Variants in PTPRN observed in about 807,000 individuals in gnomAD.
PTPRN encodes receptor-type tyrosine-protein phosphatase-like N.
A neutral mutation model predicts 108.5 loss-of-function variants in PTPRN; 70 were observed. The observed-to-expected ratio is 0.65, with a 90% CI of 0.53 to 0.79. The LOEUF (loss-of-function observed/expected upper bound fraction) is 0.79. Ranked by LOEUF, PTPRN falls within the 30% of genes least tolerant of loss-of-function variation. The pLI, the probability that PTPRN is intolerant of heterozygous loss-of-function variation, is 0.00. For synonymous variants in PTPRN, 496 were observed against 524.6 expected, an observed-to-expected ratio of 0.95 and a Z score of 0.75; for missense variants, 1,136 against 1,295.5, an observed-to-expected ratio of 0.88 and a Z score of 1.89.
chr2:219,308,750 G>A, intron 1 of PTPRN: 1 of 1,089,608 alleles, frequency 9.2e-7, no homozygotes. Flanking sequence ...TAGGCTTACG[G>A]AGAAACCCTG....
At chr2:219,291,383 G>T in intron 20 of PTPRN, 87 bp downstream of exon 20, 1 of 1,434,770 alleles carries the variant, frequency 7.0e-7, no homozygotes, top group Non-Finnish European at 9.8e-7. Context: ...CCTGCAGTTT[G>T]CTAGCACCAA....
At chr2:219,295,183 C>T in intron 18 of PTPRN, 42 bp from the exon 19 acceptor site, 1 of 1,588,864 alleles carries the variant, frequency 6.3e-7, no homozygotes, top group Non-Finnish European at 8.6e-7. Context: ...CGGGCTGCCC[C>T]AGTCCCCGCG....
At chr2:219,298,842 C>G (rs975932327) in intron 12 of PTPRN, among the ~76,000 whole-genome samples, 1 of 152,276 alleles carries the variant, frequency 6.6e-6, no homozygotes, top group African/African-American at 2.4e-5. Context: ...CTACAGAGGG[C>G]TGGTCCTGCA....
chr2:219,302,905 C>A (rs1952393848), intron 4 of PTPRN, 68 bp from the exon 5 acceptor site: 1 of 1,539,840 alleles, frequency 6.5e-7, no homozygotes, highest in African/African-American at 1.4e-5. Context: ...CAAGGCAGAA[C>A]TATTCGGGGC....
chr2:219,294,679 C>T (rs993297089), intron 19 of PTPRN, among the ~76,000 whole-genome samples: 2 of 151,842 alleles, frequency 1.3e-5, no homozygotes, highest in African/African-American at 2.4e-5. Context: ...AGCAGAGGGC[C>T]CTCTGGAGGA....
intron 6 of PTPRN, 48 bp downstream of exon 6, chr2:219,302,089 C>A: frequency 6.8e-7 from 1 of 1,475,428 alleles, no homozygotes; most frequent in Non-Finnish European, 9.1e-7. Flanking sequence ...CACCATGGTT[C>A]CCCCAAAGCA....
intron 1 of PTPRN, chr2:219,308,990 C>G: frequency 1.3e-6 from 2 of 1,520,278 alleles, no homozygotes; most frequent in Non-Finnish European, 1.8e-6. Flanking sequence ...GCAATTTTCC[C>G]CAGAGCCCAA....
At chr2:219,305,023 GC>G (rs1170656287) in intron 3 of PTPRN, among the ~76,000 whole-genome samples, 56 of 152,206 alleles carry the variant, frequency 3.7e-4, no homozygotes, top group Admixed American at 9.8e-4. Context: ...CTCATCAAGA[GC>G]AGCTTTGTCT....
rs753930510 is a variant in PTPRN, at chr2:219,302,753, C to T, written c.462G>A (p.Gln154=). Residue 154 remains glutamine (Q), a synonymous_variant, in exon 5 of 23, where the codon CAG becomes CAA. Transcript: ENST00000295718. ...CCACTGGTGGTTGTGGAAGCCGATG[C>T]TGGGCAGCAGGGGCGGAGCCAGTGG... ...DIPTGSAPAA[Q]HRLPQPPVGK... The T allele has an allele frequency of 6.1e-5, 99 of 1,613,528 alleles. No homozygotes were observed. The highest frequency in any genetic ancestry group is 8.2e-5 in the Non-Finnish European group (97 of 1,179,938).
intron 6 of PTPRN, among the ~76,000 whole-genome samples, 157 bp from the exon 7 acceptor site, chr2:219,301,876 C>T (rs1208656089): frequency 6.6e-6 from 1 of 152,184 alleles, no homozygotes; most frequent in African/African-American, 2.4e-5. Context: ...CCCTTGTCCA[C>T]ACTTTGGGGG....
intron 19 of PTPRN, among the ~76,000 whole-genome samples, 185 bp downstream of exon 19, chr2:219,294,790 G>A (rs545303347): frequency 2.6e-4 from 40 of 152,276 alleles, no homozygotes; most frequent in East Asian, 1.5e-3. Context: ...GTGGAGGCTC[G>A]GGGAAGGGCA....
chr2:219,298,225 T>G, intron 12 of PTPRN, 122 bp from the exon 13 acceptor site: 2 of 951,512 alleles, frequency 2.1e-6, no homozygotes, highest in Non-Finnish European at 1.6e-6. Flanking sequence ...GCTGGGAGAT[T>G]AGGGGTATGG....
chr2:219,307,835 TAGAC>T lies in PTPRN; in HGVS notation c.119_122del (p.Cys40TyrfsTer65), dbSNP rs1449752185. On this transcript the variant is annotated frameshift_variant, in exon 2 of 23. Transcript: ENST00000295718. LOFTEE classifies it high-confidence loss of function. ...GGTGAGAGCAGAGCCTGCGGTCAAA[TAGAC>T]AGCCTGTAGAGGAAAAGGTGAGCAG... The T allele has an allele frequency of 6.2e-7, 1 of 1,614,000 alleles. No homozygotes were observed. Among genetic ancestry groups the T allele is most frequent in the Non-Finnish European group, 8.5e-7 (1 of 1,180,012 alleles).
At position 219,297,971 on chromosome 2, in the gene PTPRN, GCA is replaced by G; in HGVS notation, c.1799_1800del (p.Val600AlafsTer18). 1.2e-6 allele frequency: 2 copies of G among 1,613,826 alleles called. No individual in the cohort carries two copies. The highest frequency in any genetic ancestry group is 1.7e-6 in the Non-Finnish European group (2 of 1,179,982). On this transcript the variant is annotated frameshift_variant, in exon 13 of 23. Transcript: ENST00000295718. LOFTEE classifies it high-confidence loss of function. The surrounding 1 kb of genome is among the most constrained non-coding windows in gnomAD (Gnocchi z 6.0). The stretch of plus-strand genomic sequence containing the variant: ...TTGTCTTGCTGCCGCGCATGCTGCC[GCA>G]CACACAGAGCCACAGCCAGAGCCAC... ...LLVALAVALC[V>X]RQHARQQDKE...
Position 219,296,633 on chromosome 2 carries a change from T to C in PTPRN, c.2310+116A>G. ...CTGGCAGTTCCCCCTTGCTAGGATA[T>C]CAGGCCCCACCACTCCAGGGGGTTG... On this transcript the variant is annotated intron_variant, in intron 16 of 22. Coordinates refer to ENST00000295718, the MANE Select transcript of PTPRN (RefSeq NM_002846.4). The surrounding 1 kb of genome is among the most constrained non-coding windows in gnomAD (Gnocchi z 6.0). 1 of 1,557,790 alleles carries C rather than the reference T, an allele frequency of 6.4e-7. No individual in the cohort carries two copies.
At chr2:219,293,328 T>C (rs1952095227) in intron 19 of PTPRN, among the ~76,000 whole-genome samples, 1 of 152,070 alleles carries the variant, frequency 6.6e-6, no homozygotes, top group African/African-American at 2.4e-5. Flanking sequence ...GTACAGGCGC[T>C]CGCCACCCTG....
Position 219,291,542 on chromosome 2 carries a change from G to A in PTPRN, c.2676-19C>T, listed in dbSNP as rs1952054702. Reference sequence around the variant, plus strand: ...CACCTTCCTGCAACAAGAAATGGGTGTGAGGGCCAGTGGGCACCAGCAGAG... The same window carrying A: ...CACCTTCCTGCAACAAGAAATGGGTATGAGGGCCAGTGGGCACCAGCAGAG... On this transcript the variant is annotated intron_variant, in intron 19 of 22. Coordinates refer to ENST00000295718, the MANE Select transcript of PTPRN (RefSeq NM_002846.4). 1 of 1,612,466 alleles carries A rather than the reference G, an allele frequency of 6.2e-7. No homozygotes were observed. The highest frequency in any genetic ancestry group is 8.5e-7 in the Non-Finnish European group (1 of 1,178,896).
Position 219,290,400 on chromosome 2 carries a change from TG to T in PTPRN, c.2869-104del. ...GGGGGAGGGCCCTGGGCAGGTCCCC[TG>T]GGAGGAAGGGAGCCCTCCTGGAGGA... On this transcript the variant is annotated intron_variant, in intron 22 of 22. Transcript: ENST00000295718. The surrounding 1 kb of genome is among the most constrained non-coding windows in gnomAD (Gnocchi z 4.2). The T allele has an allele frequency of 7.1e-7, 1 of 1,399,240 alleles. No homozygotes were observed. Among genetic ancestry groups the T allele is most frequent in the Non-Finnish European group, 9.9e-7 (1 of 1,007,048 alleles). The allele number at this position is 1,399,240 out of a possible 1,614,324, so 86.7% of individuals were successfully genotyped here.
chr2:219,301,321 C>T (rs889448913), intron 7 of PTPRN, among the ~76,000 whole-genome samples: 11 of 152,150 alleles, frequency 7.2e-5, no homozygotes, highest in African/African-American at 1.7e-4. Context: ...CCATCCTTCC[C>T]GATGCCTCCT....
Sources: gnomAD v4.1 joint callset for allele counts (sites outside exome capture counted in the v4.1 genomes callset) on GRCh38, gnomAD v4.1.1 for gene constraint, Gnocchi (gnomAD v3.1) non-coding constraint, MANE v1.5 for transcripts, NCBI Gene and HGNC (gene_info 2026-07-23, HGNC 2026-07-21) for gene names.